LCLAT1: variants seen among roughly 807,000 people sequenced by gnomAD.
The protein encoded by LCLAT1 is 1-AGP acyltransferase 8.
LCLAT1 carries 11 observed loss-of-function variants against 30.7 expected under a neutral mutation model. That is an observed-to-expected ratio of 0.36 (90% CI 0.23 to 0.59). The LOEUF (loss-of-function observed/expected upper bound fraction) is 0.59. Ranked by LOEUF, LCLAT1 falls within the 20% of genes least tolerant of loss-of-function variation. LCLAT1 has a pLI of 0.77. For synonymous variants in LCLAT1, 155 were observed against 151.3 expected, an observed-to-expected ratio of 1.02 and a Z score of -0.18; for missense variants, 402 against 458.6, an observed-to-expected ratio of 0.88 and a Z score of 1.13.
rs566512817 is a variant in LCLAT1, at chr2:30,528,339, C to T, written c.165+2584C>T. Among the ~76,000 whole-genome samples, 3 of 152,322 alleles carry T rather than the reference C, an allele frequency of 2.0e-5. No homozygotes were observed. The South Asian group carries it at 6.2e-4, about 32-fold the overall frequency. The stretch of plus-strand genomic sequence containing the variant: ...ATAGCTATTTCTGCTATTATTACTG[C>T]TAGTAGCATTACTATTACTGCAGAA... On this transcript the variant is annotated intron_variant, in intron 2 of 5. Coordinates refer to ENST00000379509, the MANE Select transcript of LCLAT1 (RefSeq NM_001002257.3).
chr2:30,479,035 C>T (rs1683191457), intron 1 of LCLAT1, among the ~76,000 whole-genome samples: 2 of 151,992 alleles, frequency 1.3e-5, no homozygotes, highest in South Asian at 4.1e-4. Flanking sequence ...ATTCATATAG[C>T]TCAAACTTGA....
At chr2:30,524,214 T>A (rs191278622) in intron 1 of LCLAT1, among the ~76,000 whole-genome samples, 1 of 152,340 alleles carries the variant, frequency 6.6e-6, no homozygotes, top group Admixed American at 6.5e-5. Context: ...TTTTAAAACA[T>A]CTGTATGATG....
chr2:30,480,302 C>T (rs1185097132), intron 1 of LCLAT1, among the ~76,000 whole-genome samples: 2 of 152,060 alleles, frequency 1.3e-5, no homozygotes, highest in Non-Finnish European at 2.9e-5. Context: ...GCTGTCCTCC[C>T]ACCTCAGCCT....
chr2:30,514,019 A>T (rs574516944), intron 1 of LCLAT1, among the ~76,000 whole-genome samples: 5 of 152,168 alleles, frequency 3.3e-5, no homozygotes, highest in Non-Finnish European at 5.9e-5. Context: ...TTCTAAATTA[A>T]CTGAGACCTG....
chr2:30,495,521 C>T (rs1684065503), intron 1 of LCLAT1, among the ~76,000 whole-genome samples: 1 of 151,674 alleles, frequency 6.6e-6, no homozygotes, highest in South Asian at 2.1e-4. Flanking sequence ...ATTTAAAATA[C>T]AGTATAAGAT....
intron 1 of LCLAT1, among the ~76,000 whole-genome samples, chr2:30,480,365 A>G (rs1683258264): frequency 6.6e-6 from 1 of 151,512 alleles, no homozygotes; most frequent in Non-Finnish European, 1.5e-5. Flanking sequence ...TAATTTTTAT[A>G]TTTTTTCTTT....
chr2:30,505,482 T>G (rs897626370), intron 1 of LCLAT1, among the ~76,000 whole-genome samples: 1 of 152,176 alleles, frequency 6.6e-6, no homozygotes. Context: ...TATGTCTAAT[T>G]AGATGATTTA....
At chr2:30,535,268 A>G (rs1317396525) in intron 3 of LCLAT1, among the ~76,000 whole-genome samples, 1 of 152,230 alleles carries the variant, frequency 6.6e-6, no homozygotes, top group South Asian at 2.1e-4. Context: ...CAATTGATTT[A>G]TGAAGAGAAA....
chr2:30,523,233 A>C (rs1442750876), intron 1 of LCLAT1, among the ~76,000 whole-genome samples: 1 of 150,534 alleles, frequency 6.6e-6, no homozygotes, highest in Non-Finnish European at 1.5e-5. Flanking sequence ...AAAAGGAAGT[A>C]GGCATTAACA....
intron 5 of LCLAT1, among the ~76,000 whole-genome samples, chr2:30,597,559 T>C (rs1169194837): frequency 6.6e-6 from 1 of 152,170 alleles, no homozygotes; most frequent in Admixed American, 6.5e-5. Context: ...GCAGTGGGAT[T>C]TTCTAGATAC....
At chr2:30,614,202 G>C (rs1467071412) in intron 5 of LCLAT1, among the ~76,000 whole-genome samples, 1 of 91,072 alleles carries the variant, frequency 1.1e-5, no homozygotes, top group East Asian at 3.0e-4. Flanking sequence ...CTCTTAAGGA[G>C]CATGCTGCCT....
chr2:30,504,130 A>G (rs1684540970), intron 1 of LCLAT1, among the ~76,000 whole-genome samples: 1 of 150,116 alleles, frequency 6.7e-6, no homozygotes, highest in Non-Finnish European at 1.5e-5. Flanking sequence ...ATAAACACAT[A>G]TATTACACAT....
At chr2:30,626,418 A>T (rs1668510991) in intron 5 of LCLAT1, among the ~76,000 whole-genome samples, 1 of 152,210 alleles carries the variant, frequency 6.6e-6, no homozygotes, top group Non-Finnish European at 1.5e-5. Flanking sequence ...GAATTTACAC[A>T]TGTATATATG....
intron 5 of LCLAT1, among the ~76,000 whole-genome samples, chr2:30,625,436 T>C (rs1415462070): frequency 6.6e-6 from 1 of 152,212 alleles, no homozygotes; most frequent in Non-Finnish European, 1.5e-5. Flanking sequence ...ACAAAACTGC[T>C]ATCTGTAACT....
At chr2:30,544,621 G>C (rs938657164) in intron 3 of LCLAT1, among the ~76,000 whole-genome samples, 6 of 151,784 alleles carry the variant, frequency 4.0e-5, no homozygotes, top group Non-Finnish European at 8.8e-5. Context: ...ACCCAGTAGG[G>C]CTAGAGTCCT....
At chr2:30,541,931 C>A (rs1466092911) in intron 3 of LCLAT1, among the ~76,000 whole-genome samples, 4 of 152,120 alleles carry the variant, frequency 2.6e-5, no homozygotes, top group Non-Finnish European at 4.4e-5. Context: ...TTTGTTGTGG[C>A]AACTTACTGT....
intron 2 of LCLAT1, among the ~76,000 whole-genome samples, chr2:30,527,872 G>A (rs553016271): frequency 6.6e-6 from 1 of 152,320 alleles, no homozygotes; most frequent in Non-Finnish European, 1.5e-5. Flanking sequence ...CTAAACTGGT[G>A]TTTTGGAGAA....
chr2:30,499,536 G>A (rs1684267507), intron 1 of LCLAT1, among the ~76,000 whole-genome samples: 1 of 152,148 alleles, frequency 6.6e-6, no homozygotes, highest in Admixed American at 6.5e-5. Context: ...TTTGGATAAA[G>A]AGTTTCGTGG....
chr2:30,501,028 C>T (rs368283866), intron 1 of LCLAT1, among the ~76,000 whole-genome samples: 25 of 152,048 alleles, frequency 1.6e-4, no homozygotes, highest in African/African-American at 5.5e-4. Flanking sequence ...TGTTGACCAA[C>T]TCCTCTTCCT....
Sources: gnomAD v4.1 joint callset for allele counts (sites outside exome capture counted in the v4.1 genomes callset) on GRCh38, gnomAD v4.1.1 for gene constraint, MANE v1.5 for transcripts, NCBI Gene and HGNC (gene_info 2026-07-23, HGNC 2026-07-21) for gene names.